Variants in PGAM5 observed in about 807,000 individuals in gnomAD.
The protein encoded by PGAM5 is PGAM family member 5, mitochondrial serine/threonine protein phosphatase, also known as serine/threonine-protein phosphatase PGAM5, mitochondrial.
In PGAM5, 25 loss-of-function variants were observed where a neutral mutation model predicts 30.6. That is an observed-to-expected ratio of 0.82 (90% CI 0.60 to 1.14). PGAM5 has a LOEUF of 1.14. Ranked by LOEUF, PGAM5 falls within the 50% of genes most tolerant of loss-of-function variation. The pLI, the probability that PGAM5 is intolerant of heterozygous loss-of-function variation, is 0.00. For missense variants in PGAM5, 384 were observed against 408.5 expected (o/e 0.94, Z 0.52); for synonymous variants, 201 against 179.1 (o/e 1.12, Z -0.98).
At chr12:132,717,860 C>T in intron 4 of PGAM5, 62 bp downstream of exon 4, 1 of 1,588,208 alleles carries the variant, frequency 6.3e-7, no homozygotes, top group Non-Finnish European at 8.6e-7. Flanking sequence ...AGCGGCCCTG[C>T]TGGGCTCACC....
rs2136088923 is a variant in PGAM5 at position 132,720,708 on chromosome 12, C to G, written c.750C>G (p.Leu250=). 3 of 1,536,342 alleles carry G rather than the reference C, an allele frequency of 2.0e-6. No individual in the cohort carries two copies. The highest frequency in any genetic ancestry group is 8.7e-7 in the Non-Finnish European group (1 of 1,146,840). ...TGCAGTTTCCTCCTGAAGGCTGGCT[C>G]CGGCTCTCCCTCAATAATGGCAGCA... ...RALQFPPEGW[L]RLSLNNGSIT... Residue 250 remains leucine, a synonymous_variant, in exon 6 of 6, where the codon CTC becomes CTG. Coordinates refer to ENST00000498926, the MANE Select transcript of PGAM5 (RefSeq NM_001170543.2).
At chr12:132,712,490 C>T (rs2043533087) in intron 1 of PGAM5, among the ~76,000 whole-genome samples, 3 of 152,152 alleles carry the variant, frequency 2.0e-5, no homozygotes, top group South Asian at 4.1e-4. Flanking sequence ...GAGTTTCGCT[C>T]TTGTTGCCCA....
At chr12:132,718,672 C>T (rs1207066440) in intron 5 of PGAM5, 23 of 1,424,592 alleles carry the variant, frequency 1.6e-5, no homozygotes, top group Non-Finnish European at 2.3e-5. Context: ...GTCCGCACTG[C>T]CCTGGTTGTT....
intron 5 of PGAM5, 125 bp downstream of exon 5, chr12:132,718,245 C>CG (rs5801990): frequency 1.6e-6 from 2 of 1,254,358 alleles, no homozygotes; most frequent in Non-Finnish European, 1.1e-6. Flanking sequence ...CACCAGCCCC[C>CG]GGGCGTCCAC....
chr12:132,717,669 C>T lies in PGAM5; in HGVS notation c.497-41C>T, dbSNP rs775031357. 33 of 1,565,942 alleles carry T rather than the reference C, an allele frequency of 2.1e-5. No individual in the cohort carries two copies. The Middle Eastern group carries it at 1.0e-3, about 49-fold the overall frequency. On this transcript the variant is annotated intron_variant, in intron 3 of 5. Coordinates refer to ENST00000498926, the MANE Select transcript of PGAM5 (RefSeq NM_001170543.2). The stretch of plus-strand genomic sequence containing the variant: ...CGGGAGGTCACAGCATCTCCGCCGG[C>T]GGGGCCGCCTCACCCAGCGCTTCGC...
At chr12:132,720,250 C>G (rs1566001361) in intron 5 of PGAM5, among the ~76,000 whole-genome samples, 1 of 152,036 alleles carries the variant, frequency 6.6e-6, no homozygotes, top group African/African-American at 2.4e-5. Flanking sequence ...TAGAACAGAG[C>G]CCCCTGGCAC....
intron 5 of PGAM5, among the ~76,000 whole-genome samples, chr12:132,719,324 T>C (rs1304404559): frequency 6.6e-6 from 1 of 152,130 alleles, no homozygotes; most frequent in Non-Finnish European, 1.5e-5. Context: ...GTCTGTCACC[T>C]GGGCCTGTCA....
At chr12:132,719,173 C>T (rs1333123325) in intron 5 of PGAM5, 2 of 1,223,824 alleles carry the variant, frequency 1.6e-6, no homozygotes, top group Non-Finnish European at 2.1e-6. Context: ...ACAAATTTGC[C>T]TCTTCTCTGG....
intron 1 of PGAM5, among the ~76,000 whole-genome samples, chr12:132,711,993 A>C (rs1394643344): frequency 6.6e-6 from 1 of 152,068 alleles, no homozygotes; most frequent in African/African-American, 2.4e-5. Flanking sequence ...CCCAGTCCTA[A>C]CTCCTCATTA....
chr12:132,718,238 C>CA, intron 5 of PGAM5, 118 bp downstream of exon 5: 1 of 1,333,932 alleles, frequency 7.5e-7, no homozygotes, highest in Non-Finnish European at 1.0e-6. Flanking sequence ...CAGGCCTCAC[C>CA]AGCCCCCGGG....
Position 132,717,449 on chromosome 12 carries a change from G to A in PGAM5, c.381G>A (p.Gln127=). Residue 127 remains glutamine (Q), a synonymous_variant, in exon 3 of 6, where the codon CAG becomes CAA. Coordinates refer to ENST00000498926, the MANE Select transcript of PGAM5 (RefSeq NM_001170543.2). ...CCTTTCACCTTCCAGGTCGGGAGCA[G>A]GCTGAACTCACTGGGCTCCGCCTGG... ...DRTLTPLGRE[Q]AELTGLRLAS... is the part of the protein sequence containing the mutation. 6.2e-7 allele frequency: 1 copy of A among 1,607,684 alleles called. No homozygotes were observed. The highest frequency in any genetic ancestry group is 8.5e-7 in the Non-Finnish European group (1 of 1,179,866).
rs183081933 is a variant in PGAM5 at position 132,718,653 on chromosome 12, A to G, written c.719+533A>G. 238 of 1,200,512 alleles carry G rather than the reference A, an allele frequency of 2.0e-4. 2 individuals carry two copies. In the East Asian group the frequency reaches 4.3e-3, roughly 22 times the overall value. 74.4% of individuals were successfully genotyped at this position (1,200,512 alleles called of 1,614,324 possible). A position where few individuals can be genotyped will look rare whatever the true frequency, so the allele number is the denominator to read the frequency against. On this transcript the variant is annotated intron_variant, in intron 5 of 5. Transcript: ENST00000498926. ...GGGTGGGGGGTCCTGGGTACGGTGCATGCTGGGCGTCCGCACTGCCCTGGT... is the reference window on the plus strand; with the variant it reads ...GGGTGGGGGGTCCTGGGTACGGTGCGTGCTGGGCGTCCGCACTGCCCTGGT...
At chr12:132,717,900 C>G (rs564426108) in intron 4 of PGAM5, 87 bp from the exon 5 acceptor site, 7 of 1,599,064 alleles carry the variant, frequency 4.4e-6, no homozygotes, top group Admixed American at 3.4e-5. Flanking sequence ...GTCCCACGGG[C>G]TTCCCCGGGC....
chr12:132,711,066 A>C lies in PGAM5; in HGVS notation c.190A>C (p.Arg64=). 3 of 1,201,428 alleles carry C rather than the reference A, an allele frequency of 2.5e-6. No homozygotes were observed. Among genetic ancestry groups the C allele is most frequent in the Non-Finnish European group, 2.1e-6 (2 of 968,150 alleles). 74.4% of individuals were successfully genotyped at this position (1,201,428 alleles called of 1,614,324 possible). The part of the protein sequence containing the change: ...GPGVWDPNWD[R]REPLSLINVR... ...CGGTGTCTGGGACCCCAACTGGGAC[A>C]GGTGCGCGCGGGGCTGTTTGGGGCC... is the stretch of plus-strand genomic sequence containing the variant. Residue 64 remains arginine (R), a splice_region_variant and synonymous_variant, in exon 1 of 6, where the codon AGG becomes CGG. Coordinates refer to ENST00000498926, the MANE Select transcript of PGAM5 (RefSeq NM_001170543.2).
intron 5 of PGAM5, among the ~76,000 whole-genome samples, chr12:132,720,023 T>C (rs7486179): frequency 0.011 from 1,615 of 152,236 alleles, 10 homozygotes; most frequent in Middle Eastern, 0.027. Context: ...GTTGTTCTGA[T>C]CTGTGCAAAT....
intron 1 of PGAM5, 33 bp from the exon 2 acceptor site, chr12:132,714,825 G>A (rs756003747): frequency 2.5e-6 from 4 of 1,603,218 alleles, no homozygotes; most frequent in African/African-American, 1.3e-5. Flanking sequence ...GGGAACAGAG[G>A]TCTCAAGGAC....
At chr12:132,713,191 C>T (rs1213094276) in intron 1 of PGAM5, among the ~76,000 whole-genome samples, 3 of 152,022 alleles carry the variant, frequency 2.0e-5, no homozygotes, top group East Asian at 1.9e-4. Context: ...GAAGTAGAAC[C>T]GGGAGCTGAG....
chr12:132,717,384 T>C (rs1164856467), intron 2 of PGAM5, 55 bp from the exon 3 acceptor site: 1 of 1,551,760 alleles, frequency 6.4e-7, no homozygotes, highest in Non-Finnish European at 8.7e-7. Context: ...GAGGGGGTGT[T>C]TGAGGGTGGA....
At chr12:132,716,049 G>A (rs1286604072) in intron 2 of PGAM5, among the ~76,000 whole-genome samples, 2 of 152,034 alleles carry the variant, frequency 1.3e-5, no homozygotes, top group Non-Finnish European at 2.9e-5. Flanking sequence ...ACGCTTCTCT[G>A]CGGCCTGTGG....
Sources: allele counts gnomAD v4.1 joint callset (sites outside exome capture counted in the v4.1 genomes callset), GRCh38; gene constraint gnomAD v4.1.1; transcripts MANE v1.5; gene names NCBI Gene and HGNC (gene_info 2026-07-23, HGNC 2026-07-21).